Variants in NEK5 observed in about 807,000 individuals in gnomAD.
The protein encoded by NEK5 is serine/threonine-protein kinase Nek5.
A neutral mutation model predicts 109.2 loss-of-function variants in NEK5; 88 were observed. The ratio of observed to expected loss-of-function variants is 0.81; its 90% confidence interval spans 0.68 to 0.96. NEK5 has a LOEUF of 0.96. Ranked by LOEUF, NEK5 falls within the 40% of genes least tolerant of loss-of-function variation. The pLI is 0.00. For synonymous variants in NEK5, 283 were observed against 299.9 expected (o/e 0.94, Z 0.58); for missense variants, 834 against 920.7 (o/e 0.91, Z 1.22).
intron 20 of NEK5, among the ~76,000 whole-genome samples, chr13:52,069,286 A>T (rs778424880): frequency 1.1e-4 from 16 of 152,108 alleles, no homozygotes; most frequent in Non-Finnish European, 1.8e-4. Flanking sequence ...TTTCTCTTCC[A>T]GTTGATGCTG....
chr13:52,058,880 G>T (rs1376617643), intron 22 of NEK5, among the ~76,000 whole-genome samples: 1 of 151,818 alleles, frequency 6.6e-6, no homozygotes, highest in Non-Finnish European at 1.5e-5. Flanking sequence ...TACCATTCAG[G>T]ACATAGGCAT....
intron 1 of NEK5, among the ~76,000 whole-genome samples, chr13:52,127,949 T>C (rs529887230): frequency 2.0e-5 from 3 of 152,126 alleles, no homozygotes; most frequent in Non-Finnish European, 2.9e-5. Context: ...TCTGGAAATA[T>C]ATGGGGGTGG....
rs141840471 is a variant in NEK5 at position 52,033,651 on chromosome 13, CAAAA to C, written c.*3293_*3296del. The C allele has an allele frequency of 1.2e-3, 189 of 162,578 alleles. 1 individual carries two copies. Among genetic ancestry groups the C allele is most frequent in the Non-Finnish European group, 2.2e-3 (153 of 68,062 alleles). 10.1% of individuals were successfully genotyped at this position (162,578 alleles called of 1,614,324 possible). A position where few individuals can be genotyped will look rare whatever the true frequency, so the allele number is the denominator to read the frequency against. On this transcript the variant is annotated 3_prime_UTR_variant, in exon 24 of 24. Transcript: ENST00000684899. ...TTTTTAATGAATATTTCAGACATAA[CAAAA>C]AACTGCAGAGCTTCGTACACTTGAT...
chr13:52,098,694 CT>C (rs1362967130), intron 12 of NEK5, among the ~76,000 whole-genome samples: 2 of 152,110 alleles, frequency 1.3e-5, no homozygotes, highest in Non-Finnish European at 2.9e-5. Context: ...ATGTTACTCA[CT>C]TTTCCTATAC....
chr13:52,036,969 GGTT>G lies in NEK5; in HGVS notation c.2475_2477del (p.Thr826del). On this transcript the variant is annotated inframe_deletion, in exon 24 of 24. Transcript: ENST00000684899. Reference sequence around the variant, plus strand: ...ATAATCACACTTGTATATTTTGACTGGTTGTTGATGTTCCTTGGTCTTCATCAG... The same window carrying G: ...ATAATCACACTTGTATATTTTGACTGGTTGATGTTCCTTGGTCTTCATCAG... 2 of 985,012 alleles carry G rather than the reference GGTT, an allele frequency of 2.0e-6. No individual in the cohort carries two copies. Among genetic ancestry groups the G allele is most frequent in the Non-Finnish European group, 2.4e-6 (2 of 829,606 alleles). 61.0% of individuals were successfully genotyped at this position (985,012 alleles called of 1,614,324 possible).
At chr13:52,108,768 G>C (rs531573950) in intron 7 of NEK5, among the ~76,000 whole-genome samples, 3 of 152,260 alleles carry the variant, frequency 2.0e-5, no homozygotes, top group Admixed American at 2.0e-4. Context: ...AAGTTACCCA[G>C]AATCTTAGCA....
At chr13:52,080,058 G>A (rs1365538015) in intron 17 of NEK5, among the ~76,000 whole-genome samples, 12 of 151,132 alleles carry the variant, frequency 7.9e-5, no homozygotes, top group African/African-American at 2.4e-4. Context: ...GAGCCCCTCC[G>A]CCCGGCAGCC....
At chr13:52,127,218 G>A (rs1397423966) in intron 3 of NEK5, 148 bp downstream of exon 3, 52 of 574,782 alleles carry the variant, frequency 9.0e-5, no homozygotes, top group Non-Finnish European at 6.2e-6. Context: ...TTGCTGTTTG[G>A]ACAATGGACT....
chr13:52,064,007 G>T (rs1252696844), intron 21 of NEK5, among the ~76,000 whole-genome samples: 5 of 72,070 alleles, frequency 6.9e-5, no homozygotes, highest in African/African-American at 2.0e-4. Context: ...GGGGGGGGGG[G>T]TCAGCCCCCC....
chr13:52,045,513 C>T (rs1333036587), intron 23 of NEK5, among the ~76,000 whole-genome samples: 1 of 150,294 alleles, frequency 6.7e-6, no homozygotes, highest in African/African-American at 2.4e-5. Flanking sequence ...CGCCTGTAAT[C>T]CCAGCACTTT....
chr13:52,108,504 C>CA (rs1955697176), intron 7 of NEK5, 100 bp from the exon 8 acceptor site: 1 of 704,540 alleles, frequency 1.4e-6, no homozygotes, highest in Admixed American at 2.5e-5. Context: ...AAATGGATAA[C>CA]ACAAGATTTG....
At chr13:52,075,402 T>G (rs1303778406) in intron 19 of NEK5, among the ~76,000 whole-genome samples, 1 of 152,102 alleles carries the variant, frequency 6.6e-6, no homozygotes, top group African/African-American at 2.4e-5. Context: ...AAAACCAAAT[T>G]CTGCATGTTC....
At chr13:52,105,377 AT>A (rs956690546) in intron 8 of NEK5, among the ~76,000 whole-genome samples, 1 of 151,502 alleles carries the variant, frequency 6.6e-6, no homozygotes, top group South Asian at 2.1e-4. Flanking sequence ...AATTTGTGGG[AT>A]TTTTTTTAAT....
At chr13:52,119,551 C>G in intron 3 of NEK5, 136 bp from the exon 4 acceptor site, 2 of 504,602 alleles carry the variant, frequency 4.0e-6, no homozygotes, top group East Asian at 5.6e-5. Flanking sequence ...CTTTCAATGG[C>G]AGGAAACAAC....
chr13:52,040,889 A>C (rs968483829), intron 23 of NEK5, among the ~76,000 whole-genome samples: 7 of 152,202 alleles, frequency 4.6e-5, no homozygotes, highest in Non-Finnish European at 8.8e-5. Flanking sequence ...AAGTGAAGTC[A>C]AATCTATGGT....
intron 8 of NEK5, among the ~76,000 whole-genome samples, chr13:52,105,444 CTT>C (rs1165324103): frequency 5.3e-5 from 8 of 151,992 alleles, no homozygotes; most frequent in Non-Finnish European, 1.0e-4. Context: ...GTCTCAAACT[CTT>C]GAGCTCAAGC....
chr13:52,087,576 T>G lies in NEK5; in HGVS notation c.1276-122A>C, dbSNP rs572480413. On this transcript the variant is annotated intron_variant, in intron 14 of 23. Transcript: ENST00000684899. ...ACTAAGCAAACTCAGTATTTGGGAGTTTTTTTTGTGGTAAGTAGTAGAATT... is the reference window on the plus strand; with the variant it reads ...ACTAAGCAAACTCAGTATTTGGGAGGTTTTTTTGTGGTAAGTAGTAGAATT... 8.7e-4 allele frequency: 443 copies of G among 507,862 alleles called. 3 individuals are homozygous for G. Among genetic ancestry groups the G allele is most frequent in the Admixed American group, 1.5e-3 (47 of 30,864 alleles). 31.5% of individuals were successfully genotyped at this position (507,862 alleles called of 1,614,324 possible).
intron 22 of NEK5, among the ~76,000 whole-genome samples, chr13:52,054,239 T>C (rs1954532715): frequency 6.6e-6 from 1 of 152,206 alleles, no homozygotes; most frequent in African/African-American, 2.4e-5. Context: ...AATAAGATGA[T>C]GGCTAGATTT....
At chr13:52,052,192 T>C (rs527763940) in intron 22 of NEK5, among the ~76,000 whole-genome samples, 9 of 138,806 alleles carry the variant, frequency 6.5e-5, no homozygotes, top group Non-Finnish European at 1.2e-4. Flanking sequence ...CTCCCTAAAA[T>C]GTATAAAAGC....
Sources: gnomAD v4.1 joint callset for allele counts (sites outside exome capture counted in the v4.1 genomes callset) on GRCh38, gnomAD v4.1.1 for gene constraint, MANE v1.5 for transcripts, NCBI Gene and HGNC (gene_info 2026-07-23, HGNC 2026-07-21) for gene names.